Variants in ATF2 observed in about 807,000 individuals in gnomAD.
ATF2 encodes cyclic AMP-dependent transcription factor ATF-2.
A neutral mutation model predicts 60.6 loss-of-function variants in ATF2; 24 were observed. The observed-to-expected ratio is 0.40, with a 90% CI of 0.29 to 0.56. The LOEUF (loss-of-function observed/expected upper bound fraction) is 0.56, where lower values mean the gene tolerates loss of function less well. Among genes scored for constraint, ATF2 ranks in the 20% least tolerant of loss-of-function variants. The probability of loss-of-function intolerance (pLI) is 0.54; values close to 1 mark genes in which losing one functional copy is unlikely to be tolerated. For synonymous variants in ATF2, 206 were observed against 215.4 expected (o/e 0.96, Z 0.38); for missense variants, 433 against 607.7 (o/e 0.71, Z 3.02).
rs1202262423 is a variant in ATF2, at chr2:175,082,336, G to T, written c.1186-1571C>A. Among the ~76,000 whole-genome samples, 4 of 152,118 alleles carry T rather than the reference G, an allele frequency of 2.6e-5. No individual in the cohort carries two copies. In the East Asian group the frequency reaches 5.8e-4, roughly 22 times the overall value. On this transcript the variant is annotated intron_variant, in intron 12 of 13. Coordinates refer to ENST00000264110, the MANE Select transcript of ATF2 (RefSeq NM_001880.4). The stretch of plus-strand genomic sequence containing the variant: ...GTAGATAGTAATCAAAGTACAAAAG[G>T]TAAAATTTAAAACAGTTTGGCTTGA...
chr2:175,081,200 T>C (rs1693734239), intron 12 of ATF2, among the ~76,000 whole-genome samples: 1 of 152,116 alleles, frequency 6.6e-6, no homozygotes, highest in African/African-American at 2.4e-5. Context: ...AGTTTCCAGT[T>C]TCCTAGAAAC....
intron 1 of ATF2, among the ~76,000 whole-genome samples, chr2:175,167,058 A>T (rs924803534): frequency 3.3e-5 from 5 of 152,146 alleles, no homozygotes; most frequent in Non-Finnish European, 7.4e-5. Context: ...CATCAGGAGT[A>T]ATCTCTTTTA....
chr2:175,121,256 C>A (rs1337876929), intron 5 of ATF2, among the ~76,000 whole-genome samples, 188 bp downstream of exon 5: 1 of 151,450 alleles, frequency 6.6e-6, no homozygotes, highest in Non-Finnish European at 1.5e-5. Context: ...GAAAACCACA[C>A]AAAAAAATGA....
In ATF2 at chr2:175,166,720, TACTC is replaced by T. The variant is rs549939290; in HGVS notation, c.-143+1326_-143+1329del. ...GCTATTTAAAGATCAGAACGGCTGT[TACTC>T]ACAATGATAACGCCAGTGGTCATGT... On this transcript the variant is annotated intron_variant, in intron 1 of 13. Coordinates refer to ENST00000264110, the MANE Select transcript of ATF2 (RefSeq NM_001880.4). 5.9e-5 allele frequency among the ~76,000 whole-genome samples: 9 copies of T among 152,334 alleles called. No individual in the cohort carries two copies. In the South Asian group the frequency reaches 6.2e-4, roughly 11 times the overall value.
chr2:175,106,657 G>A (rs1411807164), intron 10 of ATF2, among the ~76,000 whole-genome samples: 2 of 151,840 alleles, frequency 1.3e-5, no homozygotes, highest in African/African-American at 2.4e-5. Flanking sequence ...CCAACATGGT[G>A]AAACCCCATC....
chr2:175,141,593 C>T lies in ATF2; in HGVS notation c.-43-5107G>A, dbSNP rs12999002. 7.1e-4 allele frequency among the ~76,000 whole-genome samples: 108 copies of T among 151,978 alleles called. 1 individual carries two copies. Among genetic ancestry groups the T allele is most frequent in the Admixed American group, 1.8e-3 (28 of 15,254 alleles). The stretch of plus-strand genomic sequence containing the variant: ...CTGTAAGCTCCATCTCCCGGGTTCA[C>T]GCCATTCTCCTGCCTCAGCCTCCTA... On this transcript the variant is annotated intron_variant, in intron 2 of 13. Transcript: ENST00000264110.
intron 12 of ATF2, among the ~76,000 whole-genome samples, chr2:175,092,840 A>G (rs1183055589): frequency 1.3e-5 from 2 of 152,192 alleles, no homozygotes; most frequent in Non-Finnish European, 2.9e-5. Flanking sequence ...TACACAGGTA[A>G]ACACATTTTA....
At chr2:175,138,738 C>T (rs1216565114) in intron 2 of ATF2, among the ~76,000 whole-genome samples, 1 of 152,216 alleles carries the variant, frequency 6.6e-6, no homozygotes, top group Non-Finnish European at 1.5e-5. Flanking sequence ...GATACCTTCC[C>T]CATAATCCAG....
chr2:175,075,040 ACATCTGGGTGCC>A, intron 13 of ATF2: 1 of 1,433,688 alleles, frequency 7.0e-7, no homozygotes, highest in Non-Finnish European at 9.2e-7. Context: ...GCATATGGAA[ACATCTGGGTGCC>A]CACTGCCTTA....
chr2:175,112,263 A>G (rs540212144), intron 9 of ATF2, among the ~76,000 whole-genome samples: 172 of 152,266 alleles, frequency 1.1e-3, no homozygotes, highest in African/African-American at 3.8e-3. Context: ...GTAACAGGAT[A>G]ATCAGAATCT....
intron 4 of ATF2, among the ~76,000 whole-genome samples, chr2:175,123,127 G>A (rs923468870): frequency 6.6e-6 from 1 of 151,898 alleles, no homozygotes; most frequent in Non-Finnish European, 1.5e-5. Flanking sequence ...TCCCCACCCA[G>A]GTACTGTCTT....
Position 175,136,412 on chromosome 2 carries a change from C to G in ATF2, c.32G>C (p.Arg11Thr), listed in dbSNP as rs777892687. The G allele has an allele frequency of 6.2e-7, 1 of 1,609,322 alleles. No individual in the cohort carries two copies. The highest frequency in any genetic ancestry group is 8.5e-7 in the Non-Finnish European group (1 of 1,177,970). MKFKLHVNSARQYKDLWNMSD... is the reference protein window; with the variant it reads MKFKLHVNSATQYKDLWNMSD... The stretch of plus-strand genomic sequence containing the variant: ...AAAATACCAAATATTGCACACATAC[C>G]TGGCAGAATTCACATGTAACTTGAA... The change falls in exon 3 of 14, where the codon AGG (arginine) becomes ACG (threonine). Residue 11 changes from arginine to threonine, a missense_variant and splice_region_variant. Arg to Thr is a moderately conservative substitution (Grantham distance 71). Transcript: ENST00000264110.
rs888495365 is a variant in ATF2, at chr2:175,072,483, G to C, written c.*2126C>G. The C allele has an allele frequency of 6.6e-6, 1 of 152,050 alleles. No individual in the cohort carries two copies. The highest frequency in any genetic ancestry group is 2.4e-5 in the African/African-American group (1 of 41,424). 9.4% of individuals were successfully genotyped at this position (152,050 alleles called of 1,614,324 possible). A position where few individuals can be genotyped will look rare whatever the true frequency, so the allele number is the denominator to read the frequency against. On this transcript the variant is annotated 3_prime_UTR_variant, in exon 14 of 14. Coordinates refer to ENST00000264110, the MANE Select transcript of ATF2 (RefSeq NM_001880.4). ...TTACAATGAAAGTTTTGCTAACCTT[G>C]GTAAGCTTGTTAACCGTTTACATGA...
intron 3 of ATF2, among the ~76,000 whole-genome samples, chr2:175,132,258 C>A (rs1343598206): frequency 6.6e-6 from 1 of 152,218 alleles, no homozygotes; most frequent in African/African-American, 2.4e-5. Flanking sequence ...CTTTATTGCA[C>A]TGTGCAGATG....
chr2:175,108,402 T>A (rs1398324412), intron 10 of ATF2, among the ~76,000 whole-genome samples: 2 of 144,676 alleles, frequency 1.4e-5, no homozygotes, highest in Non-Finnish European at 3.0e-5. Context: ...AGCCGCCCCG[T>A]CCGGGAGGGA....
intron 1 of ATF2, among the ~76,000 whole-genome samples, chr2:175,157,013 C>T (rs188808133): frequency 6.6e-6 from 1 of 152,192 alleles, no homozygotes; most frequent in African/African-American, 2.4e-5. Flanking sequence ...TTTTACATAA[C>T]TCATAAAACA....
At chr2:175,163,898 G>GT (rs1430829089) in intron 1 of ATF2, among the ~76,000 whole-genome samples, 3 of 77,704 alleles carry the variant, frequency 3.9e-5, no homozygotes, top group Non-Finnish European at 6.9e-5. Flanking sequence ...TCCAGCCTGG[G>GT]TGACATAGCA....
intron 3 of ATF2, among the ~76,000 whole-genome samples, chr2:175,134,341 G>A (rs1697973403): frequency 6.6e-6 from 1 of 151,996 alleles, no homozygotes; most frequent in Non-Finnish European, 1.5e-5. Flanking sequence ...GTATCTTCAG[G>A]AGATCCTGGA....
At chr2:175,082,767 AC>A (rs1693849885) in intron 12 of ATF2, among the ~76,000 whole-genome samples, 1 of 152,220 alleles carries the variant, frequency 6.6e-6, no homozygotes, top group South Asian at 2.1e-4. Context: ...GTCTTGACTT[AC>A]AAAAGTAAGT....
Sources: allele counts gnomAD v4.1 joint callset (sites outside exome capture counted in the v4.1 genomes callset), GRCh38; gene constraint gnomAD v4.1.1; transcripts MANE v1.5; gene names NCBI Gene and HGNC (gene_info 2026-07-23, HGNC 2026-07-21).